SH3BGRL: variants seen among roughly 807,000 people sequenced by gnomAD.
SH3BGRL encodes the protein adapter SH3BGRL.
In SH3BGRL, 7 loss-of-function variants were observed where a neutral mutation model predicts 9.8. The observed-to-expected ratio is 0.72, with a 90% CI of 0.41 to 1.35. The LOEUF is 1.35. Ranked by LOEUF, SH3BGRL falls within the 40% of genes most tolerant of loss-of-function variation. The pLI, the probability that SH3BGRL is intolerant of heterozygous loss-of-function variation, is 0.01. For missense variants in SH3BGRL, 73 were observed against 84.4 expected, an observed-to-expected ratio of 0.86 and a Z score of 0.53; for synonymous variants, 36 against 29.1, an observed-to-expected ratio of 1.24 and a Z score of -0.76.
At chrX:81,215,694 C>T (rs983655630) in intron 1 of SH3BGRL, among the ~76,000 whole-genome samples, 10 of 111,248 alleles carry the variant, frequency 9.0e-5, no homozygotes, top group African/African-American at 3.3e-4. Context: ...ATATATTCTG[C>T]CTACCCTTTC....
At chrX:81,290,253 T>C (rs2075852976) in intron 3 of SH3BGRL, among the ~76,000 whole-genome samples, 1 of 112,179 alleles carries the variant, frequency 8.9e-6, no homozygotes, top group Admixed American at 9.4e-5. Context: ...AGCAAATCAG[T>C]ATATCAAAGA....
chrX:81,283,041 C>A (rs2075822779), intron 3 of SH3BGRL, among the ~76,000 whole-genome samples: 1 of 111,603 alleles, frequency 9.0e-6, no homozygotes, highest in African/African-American at 3.3e-5. Flanking sequence ...ATATGAACAC[C>A]TCTATGCGCA....
intron 1 of SH3BGRL, chrX:81,237,102 T>G (rs2147683959): frequency 1.1e-6 from 1 of 900,513 alleles, no homozygotes; most frequent in East Asian, 7.7e-5. Context: ...ATTAAATTCT[T>G]ACTTGGATTT....
intron 1 of SH3BGRL, among the ~76,000 whole-genome samples, chrX:81,246,302 G>A (rs1247948802): frequency 8.9e-6 from 1 of 111,909 alleles, no homozygotes; most frequent in African/African-American, 3.2e-5. Context: ...TTGCTGTGCA[G>A]AAGTTCTTTA....
chrX:81,288,784 A>G (rs1173688856), intron 3 of SH3BGRL, among the ~76,000 whole-genome samples: 2 of 112,363 alleles, frequency 1.8e-5, no homozygotes, highest in African/African-American at 3.2e-5. Context: ...GAAATTGAAG[A>G]TGACATAAAA....
At chrX:81,227,207 T>A (rs2147677242) in intron 1 of SH3BGRL, among the ~76,000 whole-genome samples, 1 of 112,212 alleles carries the variant, frequency 8.9e-6, no homozygotes, top group East Asian at 2.8e-4. Flanking sequence ...ACTGAGTCAT[T>A]GTTTGTTAGA....
chrX:81,295,084 C>G (rs1317383959), intron 3 of SH3BGRL, among the ~76,000 whole-genome samples: 1 of 111,973 alleles, frequency 8.9e-6, no homozygotes, highest in Non-Finnish European at 1.9e-5. Flanking sequence ...AGGGACTTTA[C>G]TTGTTTCAGA....
intron 3 of SH3BGRL, among the ~76,000 whole-genome samples, chrX:81,293,291 C>A (rs948104024): frequency 2.7e-4 from 30 of 110,889 alleles, no homozygotes; most frequent in Non-Finnish European, 4.2e-4. Flanking sequence ...TTTTTTTTTT[C>A]TTCCCAGCCT....
At chrX:81,290,960 T>C (rs2075856015) in intron 3 of SH3BGRL, among the ~76,000 whole-genome samples, 1 of 111,818 alleles carries the variant, frequency 8.9e-6, no homozygotes, top group Admixed American at 9.5e-5. Context: ...ATTTTTGCAT[T>C]ATTATACAAC....
At chrX:81,225,390 T>C (rs2075613765) in intron 1 of SH3BGRL, among the ~76,000 whole-genome samples, 1 of 111,110 alleles carries the variant, frequency 9.0e-6, no homozygotes, top group Non-Finnish European at 1.9e-5. Flanking sequence ...TAGATAAATT[T>C]TCATCTCTCA....
chrX:81,229,417 C>T lies in SH3BGRL; in HGVS notation c.45+27172C>T, dbSNP rs59454515. ...CCTGCCTTATCACAAGGACAGAGTGCTTTCTGTATCCTGGGGTTTCTTGCC... is the reference window on the plus strand; with the variant it reads ...CCTGCCTTATCACAAGGACAGAGTGTTTTCTGTATCCTGGGGTTTCTTGCC... On this transcript the variant is annotated intron_variant, in intron 1 of 3. Coordinates refer to ENST00000373212, the MANE Select transcript of SH3BGRL (RefSeq NM_003022.3). Among the ~76,000 whole-genome samples the T allele has an allele frequency of 6.7e-3, 749 of 111,919 alleles. 6 individuals carry two copies. Among genetic ancestry groups the T allele is most frequent in the African/African-American group, 0.023 (696 of 30,778 alleles).
chrX:81,243,404 G>A (rs1240147219), intron 1 of SH3BGRL, among the ~76,000 whole-genome samples: 2 of 111,919 alleles, frequency 1.8e-5, no homozygotes, highest in Non-Finnish European at 3.8e-5. Context: ...TAGCGAGGGG[G>A]TCGGGAGGAG....
intron 1 of SH3BGRL, among the ~76,000 whole-genome samples, chrX:81,238,682 G>A (rs1602605339): frequency 9.0e-6 from 1 of 110,761 alleles, no homozygotes; most frequent in Admixed American, 9.6e-5. Context: ...AGCAGGGCTC[G>A]GGTGAGACAC....
chrX:81,248,923 A>G (rs1433977206), intron 1 of SH3BGRL, among the ~76,000 whole-genome samples: 2 of 110,607 alleles, frequency 1.8e-5, no homozygotes, highest in East Asian at 5.7e-4. Flanking sequence ...ATTTTTTCTC[A>G]CCTTTATCAG....
chrX:81,281,135 T>A (rs184239066), intron 3 of SH3BGRL, among the ~76,000 whole-genome samples: 1 of 110,700 alleles, frequency 9.0e-6, no homozygotes, highest in East Asian at 2.9e-4. Context: ...GAAAAAAGAA[T>A]AAGAAAATAC....
At chrX:81,239,651 C>T (rs923506440) in intron 1 of SH3BGRL, among the ~76,000 whole-genome samples, 9 of 111,737 alleles carry the variant, frequency 8.1e-5, no homozygotes, top group Admixed American at 7.5e-4. Context: ...AGAAAGATAC[C>T]AAGAAACAAG....
At chrX:81,206,606 C>T (rs1039510846) in intron 1 of SH3BGRL, among the ~76,000 whole-genome samples, 1 of 110,444 alleles carries the variant, frequency 9.1e-6, no homozygotes, top group African/African-American at 3.3e-5. Flanking sequence ...TAAATTTGAA[C>T]ACGAGTAAGA....
intron 1 of SH3BGRL, among the ~76,000 whole-genome samples, chrX:81,220,547 A>G (rs1261445649): frequency 1.8e-5 from 2 of 108,342 alleles, no homozygotes; most frequent in African/African-American, 6.7e-5. Context: ...CATTCTTTAC[A>G]TCTTTTCAAA....
At chrX:81,203,805 T>C (rs2075537128) in intron 1 of SH3BGRL, among the ~76,000 whole-genome samples, 1 of 112,287 alleles carries the variant, frequency 8.9e-6, no homozygotes. Flanking sequence ...ACTGCACCTC[T>C]CTTTGTTAAG....
Sources: allele counts gnomAD v4.1 joint callset (sites outside exome capture counted in the v4.1 genomes callset), GRCh38; gene constraint gnomAD v4.1.1; transcripts MANE v1.5; gene names NCBI Gene and HGNC (gene_info 2026-07-23, HGNC 2026-07-21).